The following USP24 variants were observed in gnomAD, a reference collection of about 807,000 sequenced individuals.
USP24 encodes the protein ubiquitin specific peptidase 24.
Under a neutral mutation model 361.6 loss-of-function variants are expected in USP24, and 97 were observed. The ratio of observed to expected loss-of-function variants is 0.27; its 90% CI spans 0.23 to 0.32. USP24 has a LOEUF of 0.32. USP24 is among the 10% of genes least tolerant of loss of function. The pLI is 1.00. For synonymous variants in USP24, 1,098 were observed against 1,124.6 expected (o/e 0.98, Z 0.47); for missense variants, 2,353 against 3,165.6 (o/e 0.74, Z 6.16).
At chr1:55,077,443 C>G (rs1645052841) in intron 61 of USP24, 143 bp from the exon 62 acceptor site, 1 of 547,628 alleles carries the variant, frequency 1.8e-6, no homozygotes, top group African/African-American at 1.9e-5. Flanking sequence ...CTTAGTTTCT[C>G]AAATGCTAAG....
intron 50 of USP24, 125 bp from the exon 51 acceptor site, chr1:55,095,521 G>C (rs1441675920): frequency 9.5e-7 from 1 of 1,057,340 alleles, no homozygotes; most frequent in African/African-American, 1.6e-5. Flanking sequence ...AAAATGCAAA[G>C]TATAAGTAAA....
chr1:55,206,064 A>T (rs923362125), intron 1 of USP24, among the ~76,000 whole-genome samples: 2 of 152,250 alleles, frequency 1.3e-5, no homozygotes, highest in Admixed American at 6.5e-5. Context: ...ACAGAAAGGT[A>T]CAGTCTCCCA....
At chr1:55,123,641 A>C in intron 35 of USP24, 39 bp from the exon 36 acceptor site, 1 of 1,535,692 alleles carries the variant, frequency 6.5e-7, no homozygotes, top group Non-Finnish European at 8.8e-7. Context: ...TGGATCCTAC[A>C]GGAACTATGC....
chr1:55,128,551 G>C (rs188024367), intron 32 of USP24, among the ~76,000 whole-genome samples: 8 of 151,892 alleles, frequency 5.3e-5, no homozygotes, highest in Admixed American at 3.9e-4. Context: ...TATTTACCTA[G>C]AGGATTTCTA....
At chr1:55,142,872 A>G in intron 22 of USP24, 77 bp from the exon 23 acceptor site, 1 of 1,428,084 alleles carries the variant, frequency 7.0e-7, no homozygotes, top group African/African-American at 1.5e-5. Flanking sequence ...ATATCAAAAT[A>G]AAGAAGCCAA....
intron 1 of USP24, among the ~76,000 whole-genome samples, chr1:55,198,654 G>C (rs1644482425): frequency 6.6e-6 from 1 of 152,094 alleles, no homozygotes; most frequent in South Asian, 2.1e-4. Context: ...AATCACCCCT[G>C]GTTGGTTAAG....
At chr1:55,088,371 G>C (rs1395559458) in intron 55 of USP24, among the ~76,000 whole-genome samples, 1 of 152,166 alleles carries the variant, frequency 6.6e-6, no homozygotes, top group Non-Finnish European at 1.5e-5. Flanking sequence ...AGAAAACAGA[G>C]CATATTTGTA....
chr1:55,174,829 C>CT (rs5774215), intron 3 of USP24, among the ~76,000 whole-genome samples: 150,004 of 152,344 alleles, frequency 0.98, 73,888 homozygotes, highest in East Asian at 1. Context: ...AGGGGTCTCA[C>CT]ATGTTGCCCA....
rs1645617660 is a variant in USP24 at position 55,100,929 on chromosome 1, T to C, written c.5181A>G (p.Pro1727=). The C allele has an allele frequency of 1.2e-6, 2 of 1,613,280 alleles. No homozygotes were observed. The highest frequency in any genetic ancestry group is 1.7e-6 in the Non-Finnish European group (2 of 1,179,686). Residue 1727 remains proline (P), a synonymous_variant, in exon 44 of 68, where the codon CCA becomes CCG. Coordinates refer to ENST00000294383, the MANE Select transcript of USP24 (RefSeq NM_015306.3). ...GCACTTGGTAAAACACGCTATCATC[T>C]GGATTGTCTGTGTCATCATCCACTG... The part of the protein sequence containing the change: ...LLSVDDDTDN[P]DDSVFYQVQS...
At chr1:55,072,924 T>G in intron 64 of USP24, 63 bp from the exon 65 acceptor site, 1 of 1,459,338 alleles carries the variant, frequency 6.9e-7, no homozygotes, top group Middle Eastern at 1.7e-4. Flanking sequence ...GTGCTTCATT[T>G]TGAAACGTAA....
chr1:55,194,551 G>T (rs111823196), intron 1 of USP24, among the ~76,000 whole-genome samples: 4,559 of 152,058 alleles, frequency 0.03, 98 homozygotes, highest in Non-Finnish European at 0.045. Flanking sequence ...GCAGTGAGCC[G>T]TGTTCATGCC....
At chr1:55,108,529 G>T (rs1031045727) in intron 39 of USP24, among the ~76,000 whole-genome samples, 1 of 152,150 alleles carries the variant, frequency 6.6e-6, no homozygotes. Flanking sequence ...ACACTGCAGG[G>T]TGCTGTGTAT....
chr1:55,167,159 T>A (rs927930968), intron 5 of USP24, among the ~76,000 whole-genome samples: 2 of 152,094 alleles, frequency 1.3e-5, no homozygotes, highest in Admixed American at 1.3e-4. Context: ...AAGTAGAGCA[T>A]CATATACAGA....
chr1:55,116,307 A>T (rs1186122213), intron 38 of USP24, among the ~76,000 whole-genome samples: 1 of 152,052 alleles, frequency 6.6e-6, no homozygotes, highest in Non-Finnish European at 1.5e-5. Context: ...CAAAGATTAG[A>T]GTGGAAATAA....
chr1:55,193,146 A>T (rs547439203), intron 1 of USP24, among the ~76,000 whole-genome samples: 1 of 152,258 alleles, frequency 6.6e-6, no homozygotes, highest in South Asian at 2.1e-4. Context: ...TATATACAGT[A>T]TAACAACTAC....
In USP24 at chr1:55,178,064, C is replaced by G; in HGVS notation, c.393G>C (p.Leu131=). The change falls in exon 2 of 68, where the codon CTG becomes CTC. Residue 131 remains leucine (L), a synonymous_variant. Coordinates refer to ENST00000294383, the MANE Select transcript of USP24 (RefSeq NM_015306.3). ...IEFPTTNLYE[L]ESRVLTDHWS... ...AATGATCAGTCAAAACACGGCTTTC[C>G]AGTTCATATAAATTTGTTGTAGGGA... 4 of 1,551,574 alleles carry G rather than the reference C, an allele frequency of 2.6e-6. No individual in the cohort carries two copies. Among genetic ancestry groups the G allele is most frequent in the Non-Finnish European group, 3.5e-6 (4 of 1,146,886 alleles).
At chr1:55,112,709 G>A (rs915581611) in intron 38 of USP24, among the ~76,000 whole-genome samples, 16 of 152,170 alleles carry the variant, frequency 1.1e-4, no homozygotes, top group Non-Finnish European at 1.6e-4. Context: ...TAGAGTAAGT[G>A]CAATGTGGTG....
intron 66 of USP24, 56 bp downstream of exon 66, chr1:55,072,261 A>G (rs1197680327): frequency 6.7e-7 from 1 of 1,481,534 alleles, no homozygotes; most frequent in Non-Finnish European, 9.3e-7. Context: ...TGAGAAACAC[A>G]CTGAAAATCC....
chr1:55,109,329 T>C (rs1311175793), intron 39 of USP24, among the ~76,000 whole-genome samples: 2 of 152,222 alleles, frequency 1.3e-5, no homozygotes, highest in African/African-American at 4.8e-5. Flanking sequence ...TCTGCCACCA[T>C]AGAAATGTTG....
Sources: allele counts gnomAD v4.1 joint callset (sites outside exome capture counted in the v4.1 genomes callset), GRCh38; gene constraint gnomAD v4.1.1; transcripts MANE v1.5; gene names NCBI Gene and HGNC (gene_info 2026-07-23, HGNC 2026-07-21).